The following VEGFC variants were observed in gnomAD, a reference collection of about 807,000 sequenced individuals.
The protein encoded by VEGFC is FLT4 ligand DHM.
VEGFC carries 12 observed loss-of-function variants against 46.1 expected under a neutral mutation model. The observed-to-expected ratio is 0.26, with a 90% CI of 0.17 to 0.42. VEGFC has a LOEUF of 0.42. Ranked by LOEUF, VEGFC falls within the 10% of genes least tolerant of loss-of-function variation. The pLI is 1.00. For missense variants in VEGFC, 488 were observed against 529.4 expected (o/e 0.92, Z 0.77); for synonymous variants, 232 against 195.5 (o/e 1.19, Z -1.56).
At chr4:176,771,428 T>C (rs976273242) in intron 1 of VEGFC, among the ~76,000 whole-genome samples, 4 of 152,300 alleles carry the variant, frequency 2.6e-5, no homozygotes, top group Non-Finnish European at 5.9e-5. Context: ...AAAAATTGTT[T>C]AACACATATA....
chr4:176,785,543 C>T (rs1340017535), intron 1 of VEGFC, among the ~76,000 whole-genome samples: 1 of 152,148 alleles, frequency 6.6e-6, no homozygotes, highest in Non-Finnish European at 1.5e-5. Context: ...GTTTACCCAC[C>T]TCCTCACATC....
intron 3 of VEGFC, among the ~76,000 whole-genome samples, chr4:176,720,370 A>G (rs1354993977): frequency 6.6e-6 from 1 of 152,104 alleles, no homozygotes; most frequent in Non-Finnish European, 1.5e-5. Flanking sequence ...CCACCTAAAC[A>G]CCATTCAGAC....
chr4:176,717,539 A>G (rs1232176673), intron 3 of VEGFC, among the ~76,000 whole-genome samples: 4 of 152,146 alleles, frequency 2.6e-5, no homozygotes, highest in African/African-American at 4.8e-5. Context: ...TTCAAGAAAA[A>G]GGTGTAGAAC....
chr4:176,750,280 T>TG (rs2110893462), intron 1 of VEGFC, among the ~76,000 whole-genome samples: 1 of 151,908 alleles, frequency 6.6e-6, no homozygotes, highest in African/African-American at 2.4e-5. Context: ...ATTATGACTA[T>TG]GTGGATTTAT....
intron 3 of VEGFC, among the ~76,000 whole-genome samples, chr4:176,724,787 G>T (rs2111012973): frequency 6.6e-6 from 1 of 152,276 alleles, no homozygotes; most frequent in African/African-American, 2.4e-5. Context: ...AGGGGCTATG[G>T]GGCAGAGATT....
At chr4:176,693,086 A>G (rs144398248) in intron 4 of VEGFC, among the ~76,000 whole-genome samples, 34,827 of 151,700 alleles carry the variant, frequency 0.23, 6,624 homozygotes, top group African/African-American at 0.52. Flanking sequence ...TCCTCCAAAG[A>G]AACACAGTTC....
At chr4:176,744,585 T>A (rs627020) in intron 1 of VEGFC, among the ~76,000 whole-genome samples, 1,698 of 152,100 alleles carry the variant, frequency 0.011, 24 homozygotes, top group Middle Eastern at 0.099. Context: ...GATTTTGGCA[T>A]CTCCATCCCA....
intron 3 of VEGFC, among the ~76,000 whole-genome samples, chr4:176,717,169 T>C: frequency 6.6e-6 from 1 of 152,140 alleles, no homozygotes; most frequent in East Asian, 1.9e-4. Context: ...AAAGTTGTAA[T>C]AATACAATTC....
chr4:176,767,149 C>T (rs983864642), intron 1 of VEGFC, among the ~76,000 whole-genome samples: 3 of 76,406 alleles, frequency 3.9e-5, no homozygotes, highest in Admixed American at 1.2e-4. Flanking sequence ...AAAAAACAAC[C>T]AAAAAGAAAA....
At chr4:176,787,658 T>G (rs989577683) in intron 1 of VEGFC, among the ~76,000 whole-genome samples, 11 of 151,820 alleles carry the variant, frequency 7.2e-5, no homozygotes, top group Non-Finnish European at 1.5e-4. Context: ...TAAAGCAAAT[T>G]AAATAAAAAC....
chr4:176,684,117 G>T, intron 6 of VEGFC, 77 bp from the exon 7 acceptor site: 1 of 1,080,146 alleles, frequency 9.3e-7, no homozygotes, highest in Non-Finnish European at 1.4e-6. Flanking sequence ...GTATTTCTGT[G>T]TTTTTAAATT....
At position 176,777,468 on chromosome 4, in the gene VEGFC, CT is replaced by C. The variant is rs530216634; in HGVS notation, c.147+14696del. Among the ~76,000 whole-genome samples the C allele has an allele frequency of 2.7e-3, 415 of 152,240 alleles. 7 individuals carry two copies. The highest frequency in any genetic ancestry group is 8.2e-4 in the Non-Finnish European group (56 of 68,014). On this transcript the variant is annotated intron_variant, in intron 1 of 6. Coordinates refer to ENST00000618562, the MANE Select transcript of VEGFC (RefSeq NM_005429.5). ...ATAAAACTTTTAAATACCTAAAACA[CT>C]TTACATCTTGGAATCTTATAGAATT...
At chr4:176,749,417 TTTA>T (rs1343047496) in intron 1 of VEGFC, among the ~76,000 whole-genome samples, 1 of 151,952 alleles carries the variant, frequency 6.6e-6, no homozygotes, top group Non-Finnish European at 1.5e-5. Flanking sequence ...TTTAATATTT[TTTA>T]TTGTTTTAAA....
chr4:176,766,514 G>C (rs1735624650), intron 1 of VEGFC, among the ~76,000 whole-genome samples: 1 of 151,468 alleles, frequency 6.6e-6, no homozygotes, highest in African/African-American at 2.4e-5. Context: ...TGGACCCTGA[G>C]AGATTGTGGC....
At chr4:176,757,514 C>T (rs1735453160) in intron 1 of VEGFC, among the ~76,000 whole-genome samples, 1 of 151,756 alleles carries the variant, frequency 6.6e-6, no homozygotes, top group African/African-American at 2.4e-5. Context: ...ACTGCTAACA[C>T]AATAATATTG....
intron 4 of VEGFC, among the ~76,000 whole-genome samples, chr4:176,699,950 T>C (rs1384022176): frequency 6.6e-6 from 1 of 152,218 alleles, no homozygotes; most frequent in East Asian, 1.9e-4. Flanking sequence ...GTGTTACTGT[T>C]TGCTCTTGTT....
At chr4:176,685,310 A>C (rs1475397768) in intron 6 of VEGFC, among the ~76,000 whole-genome samples, 1 of 152,208 alleles carries the variant, frequency 6.6e-6, no homozygotes, top group Non-Finnish European at 1.5e-5. Context: ...AAAAGCTGTT[A>C]ATTAAGGCAA....
intron 3 of VEGFC, among the ~76,000 whole-genome samples, chr4:176,723,758 T>C (rs933906974): frequency 6.6e-5 from 10 of 151,316 alleles, no homozygotes; most frequent in Non-Finnish European, 1.3e-4. Flanking sequence ...GGTAAACTTT[T>C]ATTTTAGGTT....
chr4:176,699,654 C>T (rs186747509), intron 4 of VEGFC, among the ~76,000 whole-genome samples: 9 of 152,236 alleles, frequency 5.9e-5, no homozygotes, highest in East Asian at 1.9e-4. Context: ...TTACGCCTGA[C>T]GCTTGTATAC....
Sources: gnomAD v4.1 joint callset for allele counts (sites outside exome capture counted in the v4.1 genomes callset) on GRCh38, gnomAD v4.1.1 for gene constraint, MANE v1.5 for transcripts, NCBI Gene and HGNC (gene_info 2026-07-23, HGNC 2026-07-21) for gene names.